Variants in POT1 observed in about 807,000 individuals in gnomAD.
POT1 encodes the protein protection of telomeres 1, also known as protection of telomeres protein 1.
Under a neutral mutation model 78.5 loss-of-function variants are expected in POT1, and 47 were observed. That is an observed-to-expected ratio of 0.60 (90% CI 0.47 to 0.76). The LOEUF is 0.76. Ranked by LOEUF, POT1 falls within the 30% of genes least tolerant of loss-of-function variation. The pLI is 0.00. For synonymous variants in POT1, 259 were observed against 260.7 expected (o/e 0.99, Z 0.06); for missense variants, 646 against 749.9 (o/e 0.86, Z 1.62).
intron 3 of POT1, among the ~76,000 whole-genome samples, chr7:124,899,891 T>C (rs996586235): frequency 6.6e-6 from 1 of 152,178 alleles, no homozygotes; most frequent in African/African-American, 2.4e-5. Context: ...AGACTGAGTA[T>C]GTATGCATTT....
At chr7:124,874,524 G>A (rs1045989797) in intron 6 of POT1, among the ~76,000 whole-genome samples, 3 of 152,022 alleles carry the variant, frequency 2.0e-5, no homozygotes, top group African/African-American at 7.2e-5. Flanking sequence ...TTTGAGGTCC[G>A]CAGTTAAAGA....
intron 9 of POT1, among the ~76,000 whole-genome samples, chr7:124,856,992 C>T (rs566685157): frequency 6.6e-6 from 1 of 152,252 alleles, no homozygotes; most frequent in East Asian, 1.9e-4. Flanking sequence ...TTCCTGGACC[C>T]TGGATTTAAT....
chr7:124,908,189 T>A (rs548999420), intron 3 of POT1, among the ~76,000 whole-genome samples: 11 of 152,022 alleles, frequency 7.2e-5, no homozygotes, highest in Admixed American at 1.3e-4. Context: ...GTTACCATAT[T>A]TTAAAACATT....
intron 15 of POT1, among the ~76,000 whole-genome samples, chr7:124,830,291 AAT>A (rs1019546247): frequency 6.6e-6 from 1 of 152,152 alleles, no homozygotes; most frequent in African/African-American, 2.4e-5. Context: ...GCATCATCAT[AAT>A]GTTTATGAGA....
chr7:124,823,927 G>T lies in POT1; in HGVS notation c.*35C>A. 1 of 1,368,634 alleles carries T rather than the reference G, an allele frequency of 7.3e-7. No individual in the cohort carries two copies. Among genetic ancestry groups the T allele is most frequent in the Non-Finnish European group, 1.0e-6 (1 of 964,414 alleles). 84.8% of individuals were successfully genotyped at this position (1,368,634 alleles called of 1,614,324 possible). On this transcript the variant is annotated 3_prime_UTR_variant, in exon 19 of 19. Transcript: ENST00000357628. ...GAAGCTCAAACAGGGAAGGTGAGTG[G>T]CAACATTTTATGTATGCTAAATTGG...
chr7:124,886,419 A>G (rs1796244478), intron 6 of POT1, among the ~76,000 whole-genome samples: 1 of 152,124 alleles, frequency 6.6e-6, no homozygotes, highest in Non-Finnish European at 1.5e-5. Context: ...TGGTAATACT[A>G]ATGAAGGTTA....
chr7:124,824,370 G>T (rs1050815304), intron 18 of POT1, among the ~76,000 whole-genome samples: 3 of 151,876 alleles, frequency 2.0e-5, no homozygotes, highest in Non-Finnish European at 4.4e-5. Flanking sequence ...TAAAATAGTG[G>T]TTACAATGGG....
chr7:124,921,607 C>A (rs2116712941), intron 2 of POT1, among the ~76,000 whole-genome samples: 1 of 152,104 alleles, frequency 6.6e-6, no homozygotes, highest in South Asian at 2.1e-4. Context: ...TCCCTCACCC[C>A]CTCAACTAAA....
chr7:124,874,414 A>C (rs1795939366), intron 6 of POT1, among the ~76,000 whole-genome samples: 1 of 152,208 alleles, frequency 6.6e-6, no homozygotes, highest in East Asian at 1.9e-4. Flanking sequence ...CTATACCTAC[A>C]TTTTTAAATA....
intron 5 of POT1, among the ~76,000 whole-genome samples, chr7:124,895,105 T>A (rs1275759945): frequency 6.6e-6 from 1 of 151,650 alleles, no homozygotes; most frequent in Non-Finnish European, 1.5e-5. Context: ...CTATCCAAGA[T>A]AATCTTCTAT....
At chr7:124,833,722 T>G (rs1294977438) in intron 15 of POT1, among the ~76,000 whole-genome samples, 1 of 152,156 alleles carries the variant, frequency 6.6e-6, no homozygotes, top group Non-Finnish European at 1.5e-5. Context: ...AACAAGTGAG[T>G]ACCAGCCTCT....
At chr7:124,911,949 C>T (rs1796898202) in intron 3 of POT1, among the ~76,000 whole-genome samples, 1 of 152,032 alleles carries the variant, frequency 6.6e-6, no homozygotes, top group Non-Finnish European at 1.5e-5. Context: ...ATCCAAAACC[C>T]TTATTTTATA....
At chr7:124,834,991 G>C (rs1470065192) in intron 15 of POT1, among the ~76,000 whole-genome samples, 1 of 152,072 alleles carries the variant, frequency 6.6e-6, no homozygotes, top group Non-Finnish European at 1.5e-5. Flanking sequence ...ACTAACACCA[G>C]AACAGAAAAC....
Position 124,826,087 on chromosome 7 carries a change from A to G in POT1, c.1687-730T>C, listed in dbSNP as rs561506401. On this transcript the variant is annotated intron_variant, in intron 17 of 18. Coordinates refer to ENST00000357628, the MANE Select transcript of POT1 (RefSeq NM_015450.3). ...ATATGATGTAGGGTGGAAAGTTTGG[A>G]GCATGTGGTATCAGCTTGATCTCAA... 5.3e-4 allele frequency among the ~76,000 whole-genome samples: 80 copies of G among 152,262 alleles called. No homozygotes were observed. In the South Asian group the frequency reaches 0.015, roughly 29 times the overall value.
intron 7 of POT1, 131 bp from the exon 8 acceptor site, chr7:124,863,771 C>A: frequency 1.4e-6 from 1 of 690,496 alleles, no homozygotes; most frequent in Admixed American, 2.9e-5. Flanking sequence ...TTTTTAAAAA[C>A]TATTTTTCAT....
At chr7:124,843,418 A>T (rs547872193) in intron 12 of POT1, among the ~76,000 whole-genome samples, 1 of 152,344 alleles carries the variant, frequency 6.6e-6, no homozygotes, top group African/African-American at 2.4e-5. Flanking sequence ...TTATAAAATC[A>T]GATTAAGAAT....
At chr7:124,824,172 A>G in intron 18 of POT1, 98 bp from the exon 19 acceptor site, 1 of 679,688 alleles carries the variant, frequency 1.5e-6, no homozygotes, top group Non-Finnish European at 2.4e-6. Context: ...AGAAAAATTA[A>G]CATTTATTTT....
intron 6 of POT1, among the ~76,000 whole-genome samples, chr7:124,889,226 A>C (rs572135013): frequency 2.0e-5 from 3 of 152,088 alleles, no homozygotes; most frequent in Non-Finnish European, 2.9e-5. Context: ...AGTCGTCTGC[A>C]TAGATGATCA....
Position 124,823,632 on chromosome 7 carries a change from T to A in POT1, c.*330A>T, listed in dbSNP as rs1794559750. On this transcript the variant is annotated 3_prime_UTR_variant, in exon 19 of 19. Coordinates refer to ENST00000357628, the MANE Select transcript of POT1 (RefSeq NM_015450.3). Reference sequence around the variant, plus strand: ...TTACAAGTTTAAAGAAATGAATTTATCCTAAAATCATCAGTATCAGCACCC... The same window carrying A: ...TTACAAGTTTAAAGAAATGAATTTAACCTAAAATCATCAGTATCAGCACCC... The A allele has an allele frequency of 4.8e-6, 1 of 210,140 alleles. No homozygotes were observed. Among genetic ancestry groups the A allele is most frequent in the Admixed American group, 6.1e-5 (1 of 16,526 alleles). 13.0% of individuals were successfully genotyped at this position (210,140 alleles called of 1,614,324 possible). A position where few individuals can be genotyped will look rare whatever the true frequency, so the allele number is the denominator to read the frequency against.
Sources: allele counts gnomAD v4.1 joint callset (sites outside exome capture counted in the v4.1 genomes callset), GRCh38; gene constraint gnomAD v4.1.1; transcripts MANE v1.5; gene names NCBI Gene and HGNC (gene_info 2026-07-23, HGNC 2026-07-21).